The following ITPK1 variants were observed in gnomAD, a reference collection of about 807,000 sequenced individuals.
The protein encoded by ITPK1 is inositol 1,3,4-trisphosphate 5/6-kinase.
A neutral mutation model predicts 45.3 loss-of-function variants in ITPK1; 21 were observed. The ratio of observed to expected loss-of-function variants is 0.46; its 90% confidence interval spans 0.33 to 0.67. The LOEUF is 0.67. Ranked by LOEUF, ITPK1 falls within the 30% of genes least tolerant of loss-of-function variation. The probability of loss-of-function intolerance (pLI) is 0.02; values close to 1 mark genes in which losing one functional copy is unlikely to be tolerated. For synonymous variants in ITPK1, 258 were observed against 253.6 expected, an observed-to-expected ratio of 1.02 and a Z score of -0.16; for missense variants, 474 against 573.5, an observed-to-expected ratio of 0.83 and a Z score of 1.77.
chr14:92,984,313 T>C (rs1886384563), intron 5 of ITPK1, among the ~76,000 whole-genome samples: 1 of 152,176 alleles, frequency 6.6e-6, no homozygotes, highest in Admixed American at 6.5e-5. Context: ...CTGAGTGTGT[T>C]GAGTGCAACA....
At chr14:92,999,562 C>G (rs1464698342) in intron 4 of ITPK1, among the ~76,000 whole-genome samples, 2 of 152,244 alleles carry the variant, frequency 1.3e-5, no homozygotes, top group Non-Finnish European at 2.9e-5. Flanking sequence ...AGACCCCACA[C>G]AGAGCCTGGA....
chr14:92,989,219 C>T (rs1053750831), intron 5 of ITPK1, among the ~76,000 whole-genome samples: 2 of 152,290 alleles, frequency 1.3e-5, no homozygotes, highest in South Asian at 4.1e-4. Flanking sequence ...TAATTAAATT[C>T]CCGTAAAACC....
intron 2 of ITPK1, among the ~76,000 whole-genome samples, chr14:93,096,496 G>A (rs926311909): frequency 6.6e-6 from 1 of 152,244 alleles, no homozygotes; most frequent in Non-Finnish European, 1.5e-5. Context: ...GGCACGGAGG[G>A]AGGCCAATAG....
chr14:92,941,197 A>G lies in ITPK1; in HGVS notation c.*364T>C. 7.9e-7 allele frequency: 1 copy of G among 1,261,116 alleles called. No individual in the cohort carries two copies. The highest frequency in any genetic ancestry group is 1.0e-6 in the Non-Finnish European group (1 of 991,844). 78.1% of individuals were successfully genotyped at this position (1,261,116 alleles called of 1,614,324 possible). ...GCTTCCCCCAAGGGTCCCGGTCCACAGTGGCCATGGAGACCAACAGACAGG... is the reference window on the plus strand; with the variant it reads ...GCTTCCCCCAAGGGTCCCGGTCCACGGTGGCCATGGAGACCAACAGACAGG... On this transcript the variant is annotated 3_prime_UTR_variant, in exon 11 of 11. Coordinates refer to ENST00000267615, the MANE Select transcript of ITPK1 (RefSeq NM_014216.6).
chr14:93,047,811 G>A (rs181479049), intron 3 of ITPK1, among the ~76,000 whole-genome samples: 1 of 152,384 alleles, frequency 6.6e-6, no homozygotes, highest in African/African-American at 2.4e-5. Context: ...GCCAGCACCA[G>A]CCAGCCCGAC....
At chr14:92,973,366 A>G (rs551620815) in intron 5 of ITPK1, among the ~76,000 whole-genome samples, 1 of 152,386 alleles carries the variant, frequency 6.6e-6, no homozygotes, top group Non-Finnish European at 1.5e-5. Context: ...GTGTTGGCAC[A>G]GCCTGCAAAG....
At chr14:92,962,279 C>T (rs977911627) in intron 7 of ITPK1, 76 bp downstream of exon 7, 21 of 1,092,766 alleles carry the variant, frequency 1.9e-5, no homozygotes, top group Non-Finnish European at 2.6e-5. Flanking sequence ...GTGAGGAATC[C>T]GGCAGGGTAG....
chr14:93,099,113 G>A (rs1435135220), intron 2 of ITPK1, among the ~76,000 whole-genome samples: 1 of 152,164 alleles, frequency 6.6e-6, no homozygotes. Flanking sequence ...CCTTCCGGGT[G>A]GAAATAGTCC....
intron 3 of ITPK1, among the ~76,000 whole-genome samples, chr14:93,052,103 G>A (rs1010091937): frequency 7.9e-5 from 12 of 152,204 alleles, no homozygotes; most frequent in Admixed American, 2.6e-4. Flanking sequence ...GGGTGGCAGA[G>A]TCCCCAGGCC....
At chr14:93,031,209 T>C (rs79860843) in intron 3 of ITPK1, among the ~76,000 whole-genome samples, 1,579 of 151,862 alleles carry the variant, frequency 0.01, 31 homozygotes, top group African/African-American at 0.036. Flanking sequence ...GGAAGAATGT[T>C]CTGAACTAAG....
At chr14:92,979,712 C>T (rs1267329423) in intron 5 of ITPK1, among the ~76,000 whole-genome samples, 2 of 152,088 alleles carry the variant, frequency 1.3e-5, no homozygotes, top group African/African-American at 4.8e-5. Context: ...TTTCCTGAGG[C>T]CTCCCTGGCC....
rs570226615 is a variant in ITPK1, at chr14:92,958,661, G to A, written c.505-295C>T. Among the ~76,000 whole-genome samples the A allele has an allele frequency of 3.9e-4, 59 of 152,308 alleles. No individual in the cohort carries two copies. Among genetic ancestry groups the A allele is most frequent in the African/African-American group, 1.1e-3 (46 of 41,568 alleles). On this transcript the variant is annotated intron_variant, in intron 7 of 10. Transcript: ENST00000267615. The surrounding 1 kb of genome is among the most constrained non-coding windows in gnomAD (Gnocchi z 4.4). ...TTCTGAGAGCGTGACACCACTTGTCGCACTGTGGTCCAGGGAAGGGGGCCG... is the reference window on the plus strand; with the variant it reads ...TTCTGAGAGCGTGACACCACTTGTCACACTGTGGTCCAGGGAAGGGGGCCG...
At chr14:93,078,304 T>G (rs1891310139) in intron 2 of ITPK1, among the ~76,000 whole-genome samples, 1 of 152,162 alleles carries the variant, frequency 6.6e-6, no homozygotes, top group African/African-American at 2.4e-5. Flanking sequence ...TACATCTGTT[T>G]GTCAGCTCAT....
At chr14:93,003,973 GT>G (rs1176899496) in intron 4 of ITPK1, among the ~76,000 whole-genome samples, 1 of 152,246 alleles carries the variant, frequency 6.6e-6, no homozygotes, top group Non-Finnish European at 1.5e-5. Flanking sequence ...TGCCTCTTAA[GT>G]TCTAGATTAT....
chr14:93,086,508 G>A (rs1482668039), intron 2 of ITPK1, among the ~76,000 whole-genome samples: 64 of 152,224 alleles, frequency 4.2e-4, no homozygotes, highest in Non-Finnish European at 5.9e-5. Flanking sequence ...TCTCTGTCAC[G>A]CACTGGGCTG....
At chr14:93,101,624 G>A (rs1224198532) in intron 2 of ITPK1, among the ~76,000 whole-genome samples, 1 of 152,202 alleles carries the variant, frequency 6.6e-6, no homozygotes, top group Non-Finnish European at 1.5e-5. Flanking sequence ...CAAGCCAAGT[G>A]GATCATTTGA....
At chr14:92,946,204 C>T in intron 10 of ITPK1, 127 bp downstream of exon 10, 1 of 1,110,148 alleles carries the variant, frequency 9.0e-7, no homozygotes, top group Non-Finnish European at 1.3e-6. Context: ...CGGGGCTGCA[C>T]CTCCCCGGAC....
intron 3 of ITPK1, among the ~76,000 whole-genome samples, chr14:93,064,617 G>C (rs1205777724): frequency 1.3e-5 from 2 of 152,150 alleles, no homozygotes; most frequent in Non-Finnish European, 2.9e-5. Flanking sequence ...GCAGGGCCGG[G>C]CACCAGCAAG....
chr14:92,961,948 G>A (rs1885094440), intron 7 of ITPK1, among the ~76,000 whole-genome samples: 1 of 152,248 alleles, frequency 6.6e-6, no homozygotes, highest in Admixed American at 6.5e-5. Flanking sequence ...TGCAAGGTAG[G>A]AAGAGAGCCC....
Sources: allele counts gnomAD v4.1 joint callset (sites outside exome capture counted in the v4.1 genomes callset), GRCh38; gene constraint gnomAD v4.1.1; non-coding constraint Gnocchi (gnomAD v3.1); transcripts MANE v1.5; gene names NCBI Gene and HGNC (gene_info 2026-07-23, HGNC 2026-07-21).